MAGI2: variants seen among roughly 807,000 people sequenced by gnomAD.
MAGI2 encodes membrane-associated guanylate kinase, WW and PDZ domain-containing protein 2.
Under a neutral mutation model 133.3 loss-of-function variants are expected in MAGI2, and 35 were observed. The observed-to-expected ratio is 0.26, with a 90% CI of 0.20 to 0.35. The LOEUF (loss-of-function observed/expected upper bound fraction) is 0.35, where lower values mean the gene tolerates loss of function less well. Ranked by LOEUF, MAGI2 falls within the 10% of genes least tolerant of loss-of-function variation. MAGI2 has a pLI of 1.00. For missense variants in MAGI2, 1,636 were observed against 1,863.4 expected (o/e 0.88, Z 2.25); for synonymous variants, 729 against 710.6 (o/e 1.03, Z -0.41).
At chr7:78,976,514 T>C (rs1804265993) in intron 2 of MAGI2, among the ~76,000 whole-genome samples, 1 of 151,364 alleles carries the variant, frequency 6.6e-6, no homozygotes, top group Admixed American at 6.6e-5. Flanking sequence ...TGATGAGAGA[T>C]TGGATGCCTT....
intron 6 of MAGI2, among the ~76,000 whole-genome samples, chr7:78,488,347 G>T (rs1303462741): frequency 6.6e-6 from 1 of 151,948 alleles, no homozygotes; most frequent in Non-Finnish European, 1.5e-5. Flanking sequence ...TTTTAAAATT[G>T]ACTTTAATAG....
chr7:79,357,079 A>T (rs1213147488), intron 1 of MAGI2, among the ~76,000 whole-genome samples: 1 of 152,242 alleles, frequency 6.6e-6, no homozygotes, highest in Admixed American at 6.5e-5. Context: ...CTCATTTTGT[A>T]GATTCCTTCA....
At chr7:78,059,278 G>A (rs1223228104) in intron 21 of MAGI2, among the ~76,000 whole-genome samples, 1 of 152,182 alleles carries the variant, frequency 6.6e-6, no homozygotes, top group Non-Finnish European at 1.5e-5. Flanking sequence ...AAATCCACAG[G>A]TGATGATAAT....
intron 3 of MAGI2, among the ~76,000 whole-genome samples, chr7:78,611,891 C>T (rs553537363): frequency 1.3e-5 from 2 of 152,166 alleles, no homozygotes; most frequent in African/African-American, 4.8e-5. Context: ...AAGGTTGACT[C>T]TTCCTCTAGT....
At chr7:79,077,602 A>AAAAAAAAAAAAAAAAAAAAAAAAAAAC (rs1815643747) in intron 1 of MAGI2, among the ~76,000 whole-genome samples, 1 of 54,332 alleles carries the variant, frequency 1.8e-5, no homozygotes, top group African/African-American at 7.0e-5. Context: ...AAAATAAATA[A>AAAAAAAAAAAAAAAAAAAAAAAAAAAC]ATAAATAAAT....
At chr7:79,061,654 ATAAGTTCTACTTTGTATGCCAATAACAG>A (rs1813752462) in intron 1 of MAGI2, among the ~76,000 whole-genome samples, 1 of 152,148 alleles carries the variant, frequency 6.6e-6, no homozygotes. Flanking sequence ...GGGGTGGCAA[ATAAGTTCTACTTTGTATGCCAATAACAG>A]TAGATCGAAA....
At chr7:78,915,961 A>G (rs566467853) in intron 2 of MAGI2, among the ~76,000 whole-genome samples, 20 of 152,202 alleles carry the variant, frequency 1.3e-4, no homozygotes, top group African/African-American at 4.6e-4. Context: ...GCCTGACAAT[A>G]TATCTCAATA....
intron 2 of MAGI2, among the ~76,000 whole-genome samples, chr7:78,938,440 T>G (rs1399103112): frequency 6.6e-6 from 1 of 152,160 alleles, no homozygotes; most frequent in African/African-American, 2.4e-5. Flanking sequence ...CTATGATGCA[T>G]ATAGAGATGA....
At chr7:79,284,402 G>A (rs1303947822) in intron 1 of MAGI2, among the ~76,000 whole-genome samples, 1 of 151,948 alleles carries the variant, frequency 6.6e-6, no homozygotes. Flanking sequence ...TCCTAATATG[G>A]GACTTCAATT....
intron 1 of MAGI2, among the ~76,000 whole-genome samples, chr7:79,318,368 A>C (rs1838907911): frequency 6.6e-6 from 1 of 151,766 alleles, no homozygotes; most frequent in Non-Finnish European, 1.5e-5. Flanking sequence ...CTCATTAAGT[A>C]AATTGAAAAA....
At chr7:78,936,131 T>C (rs982583659) in intron 2 of MAGI2, among the ~76,000 whole-genome samples, 1 of 150,752 alleles carries the variant, frequency 6.6e-6, no homozygotes, top group Non-Finnish European at 1.5e-5. Context: ...ACCAAATGAA[T>C]CAAGCATTCA....
chr7:78,376,753 A>G (rs1428709587), intron 6 of MAGI2, among the ~76,000 whole-genome samples: 2 of 152,122 alleles, frequency 1.3e-5, no homozygotes, highest in Non-Finnish European at 2.9e-5. Context: ...CTTAAATATG[A>G]CATCTATGTA....
At chr7:78,596,552 C>G (rs766168815) in intron 3 of MAGI2, among the ~76,000 whole-genome samples, 4 of 152,036 alleles carry the variant, frequency 2.6e-5, no homozygotes, top group Non-Finnish European at 5.9e-5. Context: ...CCAAGTCTTC[C>G]TACTTTAAAT....
At chr7:78,761,457 T>C (rs1295139952) in intron 2 of MAGI2, among the ~76,000 whole-genome samples, 2 of 151,358 alleles carry the variant, frequency 1.3e-5, no homozygotes, top group African/African-American at 2.4e-5. Flanking sequence ...TTAAAATATG[T>C]AGATTCTGAT....
At chr7:78,750,575 A>G (rs995961083) in intron 2 of MAGI2, among the ~76,000 whole-genome samples, 36 of 152,338 alleles carry the variant, frequency 2.4e-4, no homozygotes, top group African/African-American at 7.9e-4. Flanking sequence ...TTCTCTTTCC[A>G]GATCCTGCAT....
At chr7:78,944,186 C>T (rs923960473) in intron 2 of MAGI2, among the ~76,000 whole-genome samples, 1 of 152,114 alleles carries the variant, frequency 6.6e-6, no homozygotes, top group Non-Finnish European at 1.5e-5. Flanking sequence ...ATTTTCTCAC[C>T]TACACTCATA....
At chr7:78,243,154 T>C (rs1274841228) in intron 10 of MAGI2, among the ~76,000 whole-genome samples, 3 of 151,456 alleles carry the variant, frequency 2.0e-5, no homozygotes, top group Admixed American at 6.6e-5. Flanking sequence ...AGTAGCAACA[T>C]GAAACAACCT....
chr7:79,170,136 A>ATTTTTTTTT (rs1825370704), intron 1 of MAGI2, among the ~76,000 whole-genome samples: 2 of 81,364 alleles, frequency 2.5e-5, no homozygotes, highest in African/African-American at 9.9e-5. Context: ...GAGATATTAT[A>ATTTTTTTTT]CTTTTTTTTT....
At chr7:78,846,311 A>G (rs1407522264) in intron 2 of MAGI2, among the ~76,000 whole-genome samples, 2 of 151,992 alleles carry the variant, frequency 1.3e-5, no homozygotes, top group African/African-American at 4.8e-5. Flanking sequence ...TTATACTTGC[A>G]TCTCATTTCT....
Sources: gnomAD v4.1 joint callset for allele counts (sites outside exome capture counted in the v4.1 genomes callset) on GRCh38, gnomAD v4.1.1 for gene constraint, MANE v1.5 for transcripts, NCBI Gene and HGNC (gene_info 2026-07-23, HGNC 2026-07-21) for gene names.